Variants in DPYD observed in about 807,000 individuals in gnomAD.
The protein encoded by DPYD is dihydropyrimidine dehydrogenase [NADP(+)].
DPYD carries 109 observed loss-of-function variants against 116.2 expected under a neutral mutation model. That is an observed-to-expected ratio of 0.94 (90% CI 0.80 to 1.10). The LOEUF (loss-of-function observed/expected upper bound fraction) is 1.10. DPYD is among the 50% of genes least tolerant of loss of function. The probability of loss-of-function intolerance (pLI) is 0.00; values close to 1 mark genes in which losing one functional copy is unlikely to be tolerated. For missense variants in DPYD, 1,302 were observed against 1,254.5 expected, an observed-to-expected ratio of 1.04 and a Z score of -0.57; for synonymous variants, 440 against 432.0, an observed-to-expected ratio of 1.02 and a Z score of -0.23.
chr1:97,720,996 C>T, intron 5 of DPYD: 1 of 1,566,038 alleles, frequency 6.4e-7, no homozygotes, highest in Non-Finnish European at 8.6e-7. Context: ...AAATAAAAGA[C>T]CTGCTTCCAA....
intron 18 of DPYD, among the ~76,000 whole-genome samples, chr1:97,269,681 T>C (rs949381550): frequency 3.3e-5 from 5 of 152,146 alleles, no homozygotes; most frequent in Non-Finnish European, 7.4e-5. Context: ...CACTGCGTCC[T>C]CACTCACATG....
chr1:97,095,382 G>C (rs1205588311), intron 21 of DPYD, among the ~76,000 whole-genome samples: 1 of 151,900 alleles, frequency 6.6e-6, no homozygotes. Context: ...CAAATATTGA[G>C]GTCTTGGAAC....
intron 13 of DPYD, among the ~76,000 whole-genome samples, chr1:97,484,147 A>G (rs2101888038): frequency 6.6e-6 from 1 of 152,316 alleles, no homozygotes; most frequent in East Asian, 1.9e-4. Context: ...TCTACTAAAA[A>G]TACAAAAATT....
At chr1:97,771,387 G>T (rs1666134209) in intron 3 of DPYD, among the ~76,000 whole-genome samples, 1 of 152,130 alleles carries the variant, frequency 6.6e-6, no homozygotes, top group African/African-American at 2.4e-5. Flanking sequence ...AAATACTTCT[G>T]CCTTTTTAAC....
chr1:97,384,624 T>C (rs1672209515), intron 14 of DPYD, among the ~76,000 whole-genome samples: 2 of 152,018 alleles, frequency 1.3e-5, no homozygotes, highest in Admixed American at 6.6e-5. Flanking sequence ...TGCTGGCGAT[T>C]ATATGAGTAA....
intron 13 of DPYD, among the ~76,000 whole-genome samples, chr1:97,491,130 T>C (rs962646442): frequency 1.1e-4 from 17 of 147,830 alleles, no homozygotes; most frequent in African/African-American, 3.9e-4. Flanking sequence ...CCTAATGATA[T>C]ATTATTTCAT....
At chr1:97,843,863 C>T (rs776051171) in intron 2 of DPYD, among the ~76,000 whole-genome samples, 1 of 151,932 alleles carries the variant, frequency 6.6e-6, no homozygotes, top group Non-Finnish European at 1.5e-5. Context: ...AGAGATGATA[C>T]AAATATATAC....
intron 10 of DPYD, 39 bp downstream of exon 10, chr1:97,593,179 T>TG: frequency 1.2e-6 from 2 of 1,605,784 alleles, no homozygotes; most frequent in Non-Finnish European, 1.7e-6. Context: ...TAAAATCTGT[T>TG]GGAGTACAAC....
chr1:97,551,199 A>C (rs571905954), intron 11 of DPYD, among the ~76,000 whole-genome samples: 1 of 152,258 alleles, frequency 6.6e-6, no homozygotes, highest in East Asian at 1.9e-4. Flanking sequence ...TCTTTCATTG[A>C]GAGGAAAATT....
At chr1:97,126,488 G>A (rs1382613164) in intron 20 of DPYD, among the ~76,000 whole-genome samples, 1 of 151,966 alleles carries the variant, frequency 6.6e-6, no homozygotes, top group African/African-American at 2.4e-5. Flanking sequence ...GTCTATGCAC[G>A]TGCATGCTGG....
At chr1:97,733,052 T>C (rs1571267295) in intron 4 of DPYD, among the ~76,000 whole-genome samples, 2 of 152,060 alleles carry the variant, frequency 1.3e-5, no homozygotes, top group African/African-American at 4.8e-5. Flanking sequence ...ACAAAGAAGA[T>C]TTGAAAATAG....
At chr1:97,426,493 T>G (rs556374942) in intron 14 of DPYD, among the ~76,000 whole-genome samples, 6 of 151,490 alleles carry the variant, frequency 4.0e-5, no homozygotes, top group Non-Finnish European at 5.9e-5. Flanking sequence ...ATAGAAAGAG[T>G]GTGGCTTAGT....
chr1:97,248,257 G>C (rs1156242579), intron 18 of DPYD, among the ~76,000 whole-genome samples: 1 of 152,162 alleles, frequency 6.6e-6, no homozygotes, highest in Non-Finnish European at 1.5e-5. Context: ...TGTTGTGGGA[G>C]GAACCCAGTG....
chr1:97,220,592 A>G (rs1336400438), intron 19 of DPYD, among the ~76,000 whole-genome samples: 4 of 152,176 alleles, frequency 2.6e-5, no homozygotes, highest in African/African-American at 9.7e-5. Context: ...GGGCTCATTC[A>G]GTGATAAAGA....
At chr1:97,783,582 G>C (rs1158356341) in intron 3 of DPYD, among the ~76,000 whole-genome samples, 1 of 151,492 alleles carries the variant, frequency 6.6e-6, no homozygotes, top group African/African-American at 2.4e-5. Context: ...TTAGAGATGG[G>C]GTTTCACCAT....
At chr1:97,184,768 T>C (rs908870446) in intron 20 of DPYD, among the ~76,000 whole-genome samples, 1 of 152,168 alleles carries the variant, frequency 6.6e-6, no homozygotes, top group African/African-American at 2.4e-5. Flanking sequence ...CTTATTATTT[T>C]AATAGTGTAT....
chr1:97,750,865 G>A (rs184020351), intron 3 of DPYD, among the ~76,000 whole-genome samples: 3 of 152,118 alleles, frequency 2.0e-5, no homozygotes, highest in African/African-American at 7.2e-5. Context: ...GCAAATTTTG[G>A]TATATGCAAG....
intron 2 of DPYD, among the ~76,000 whole-genome samples, chr1:97,852,371 C>A (rs1670617814): frequency 1.3e-5 from 2 of 152,114 alleles, no homozygotes; most frequent in South Asian, 4.1e-4. Flanking sequence ...TTACTTTCAT[C>A]CTCATTTTAT....
At chr1:97,426,720 A>G (rs1257039185) in intron 14 of DPYD, among the ~76,000 whole-genome samples, 1 of 152,076 alleles carries the variant, frequency 6.6e-6, no homozygotes, top group Non-Finnish European at 1.5e-5. Context: ...GTTAATAGAT[A>G]TTTTAGTAAA....
Sources: allele counts gnomAD v4.1 joint callset (sites outside exome capture counted in the v4.1 genomes callset), GRCh38; gene constraint gnomAD v4.1.1; transcripts MANE v1.5; gene names NCBI Gene and HGNC (gene_info 2026-07-23, HGNC 2026-07-21).